Variants in JAK1 observed in about 807,000 individuals in gnomAD.
JAK1 encodes the protein Janus kinase 1.
In JAK1, 16 loss-of-function variants were observed where a neutral mutation model predicts 136.6. That is an observed-to-expected ratio of 0.12 (90% CI 0.08 to 0.18). JAK1 has a LOEUF of 0.18. Among genes scored for constraint, JAK1 ranks in the 10% least tolerant of loss-of-function variants. JAK1 has a pLI of 1.00. For missense variants in JAK1, 859 were observed against 1,450.1 expected (o/e 0.59, Z 6.62); for synonymous variants, 492 against 519.5 (o/e 0.95, Z 0.72).
chr1:64,869,788 C>T (rs1323337386), intron 5 of JAK1, among the ~76,000 whole-genome samples: 2 of 152,186 alleles, frequency 1.3e-5, no homozygotes, highest in Non-Finnish European at 2.9e-5. Context: ...CTGGACTGCG[C>T]CAGAGCAAGG....
chr1:65,012,432 T>C (rs1646856965), intron 2 of JAK1, among the ~76,000 whole-genome samples: 2 of 152,058 alleles, frequency 1.3e-5, no homozygotes, highest in South Asian at 4.1e-4. Flanking sequence ...ACTAAGAATG[T>C]TAGATTGAAG....
chr1:65,032,194 G>C (rs960219970), intron 2 of JAK1, among the ~76,000 whole-genome samples: 1 of 152,022 alleles, frequency 6.6e-6, no homozygotes, highest in African/African-American at 2.4e-5. Flanking sequence ...TCAAACTCTT[G>C]ACCTCAGGTG....
chr1:65,014,746 G>A (rs1042765863), intron 2 of JAK1, among the ~76,000 whole-genome samples: 1 of 150,770 alleles, frequency 6.6e-6, no homozygotes, highest in East Asian at 2.0e-4. Context: ...GTGCAGTGGC[G>A]CGACCTCGGC....
chr1:64,877,950 G>A (rs1196522882), intron 4 of JAK1, among the ~76,000 whole-genome samples: 1 of 152,180 alleles, frequency 6.6e-6, no homozygotes, highest in East Asian at 1.9e-4. Context: ...TCAGCCCTAG[G>A]ATGATTATCA....
chr1:64,923,671 A>G (rs980974838), intron 1 of JAK1, among the ~76,000 whole-genome samples: 5 of 152,172 alleles, frequency 3.3e-5, no homozygotes, highest in African/African-American at 7.2e-5. Context: ...CCAGCCAAAA[A>G]CAACTTTATT....
intron 1 of JAK1, among the ~76,000 whole-genome samples, chr1:65,050,791 C>T (rs1647263065): frequency 6.6e-6 from 1 of 152,178 alleles, no homozygotes; most frequent in African/African-American, 2.4e-5. Flanking sequence ...ACCTACTAAT[C>T]AACATAATAT....
At chr1:65,014,643 C>A (rs1029126754) in intron 2 of JAK1, among the ~76,000 whole-genome samples, 2 of 151,774 alleles carry the variant, frequency 1.3e-5, no homozygotes, top group Non-Finnish European at 2.9e-5. Context: ...CAATAACACA[C>A]TCCATGGGTT....
At position 64,869,951 on chromosome 1, in the gene JAK1, C is replaced by G. The variant is rs76343478; in HGVS notation, c.484-477G>C. 8.4e-3 allele frequency among the ~76,000 whole-genome samples: 1,274 copies of G among 152,282 alleles called. 24 individuals carry two copies. Among genetic ancestry groups the G allele is most frequent in the African/African-American group, 0.03 (1,233 of 41,528 alleles). ...AGGGGAACGTTCCGCAGTGCATCAT[C>G]ACCACATGTACATTTTCCCACATCT... On this transcript the variant is annotated intron_variant, in intron 5 of 24. Transcript: ENST00000342505.
Position 65,036,742 on chromosome 1 carries a change from G to C in JAK1, c.-78+7738C>G, listed in dbSNP as rs183552613. The stretch of plus-strand genomic sequence containing the variant: ...TGCTCTTTATAATAATGAAACTTTG[G>C]AAAGAACTGAGTTGCCCAATAACTA... On this transcript the variant is annotated intron_variant, in intron 2 of 25. Transcript: ENST00000671954. Among the ~76,000 whole-genome samples the C allele has an allele frequency of 7.0e-4, 106 of 152,260 alleles. 1 individual carries two copies. Among genetic ancestry groups the C allele is most frequent in the Admixed American group, 3.4e-3 (52 of 15,298 alleles).
At chr1:64,946,299 C>G (rs1455143900) in intron 1 of JAK1, among the ~76,000 whole-genome samples, 1 of 152,122 alleles carries the variant, frequency 6.6e-6, no homozygotes, top group Non-Finnish European at 1.5e-5. Flanking sequence ...GCTATGTGTT[C>G]TGCACATGTT....
intron 1 of JAK1, among the ~76,000 whole-genome samples, chr1:65,057,245 T>C (rs1457336379): frequency 1.3e-5 from 2 of 152,200 alleles, no homozygotes; most frequent in African/African-American, 4.8e-5. Context: ...TGTTTCTTAT[T>C]TGCTATTGTT....
intron 1 of JAK1, among the ~76,000 whole-genome samples, chr1:64,925,670 TC>T (rs1477271564): frequency 6.6e-6 from 1 of 152,138 alleles, no homozygotes; most frequent in East Asian, 1.9e-4. Context: ...ATCTAGTAAT[TC>T]CGACTAACAT....
chr1:64,851,453 A>G (rs1655586635), intron 11 of JAK1, among the ~76,000 whole-genome samples: 1 of 152,224 alleles, frequency 6.6e-6, no homozygotes, highest in African/African-American at 2.4e-5. Flanking sequence ...GGAGGTGAAC[A>G]AACGCTGGTT....
chr1:65,000,654 AT>A (rs1220178291), intron 2 of JAK1, among the ~76,000 whole-genome samples: 1 of 152,070 alleles, frequency 6.6e-6, no homozygotes, highest in African/African-American at 2.4e-5. Flanking sequence ...TATGGAAAAT[AT>A]TTTTCCATGA....
At chr1:64,940,943 C>T (rs960627807) in intron 1 of JAK1, among the ~76,000 whole-genome samples, 1 of 152,176 alleles carries the variant, frequency 6.6e-6, no homozygotes, top group African/African-American at 2.4e-5. Context: ...GATGGGTGGA[C>T]AACCTGAGGT....
intron 2 of JAK1, among the ~76,000 whole-genome samples, chr1:65,035,540 C>T (rs555065365): frequency 6.6e-6 from 1 of 152,254 alleles, no homozygotes; most frequent in South Asian, 2.1e-4. Context: ...TTCTACTCTC[C>T]TGTAAAATAA....
At chr1:64,851,158 A>G (rs1291339916) in intron 11 of JAK1, among the ~76,000 whole-genome samples, 1 of 152,240 alleles carries the variant, frequency 6.6e-6, no homozygotes, top group Admixed American at 6.5e-5. Context: ...TCTAAAGAAC[A>G]GGTGTGTGGT....
chr1:64,988,570 G>A (rs1216322356), intron 2 of JAK1, among the ~76,000 whole-genome samples: 4 of 152,032 alleles, frequency 2.6e-5, no homozygotes, highest in Non-Finnish European at 5.9e-5. Context: ...CCACCAAGTG[G>A]ATGCTGAATT....
chr1:64,929,627 G>C (rs1048053520), intron 1 of JAK1, among the ~76,000 whole-genome samples: 1 of 152,092 alleles, frequency 6.6e-6, no homozygotes, highest in African/African-American at 2.4e-5. Context: ...CTACAAGTCT[G>C]AACATATAAA....
Sources: allele counts gnomAD v4.1 joint callset (sites outside exome capture counted in the v4.1 genomes callset), GRCh38; gene constraint gnomAD v4.1.1; transcripts MANE v1.5; gene names NCBI Gene and HGNC (gene_info 2026-07-23, HGNC 2026-07-21).